The following ANXA13 variants were observed in gnomAD, a reference collection of about 807,000 sequenced individuals.
The protein encoded by ANXA13 is annexin A13.
Under a neutral mutation model 46.6 loss-of-function variants are expected in ANXA13, and 36 were observed. The ratio of observed to expected loss-of-function variants is 0.77; its 90% CI spans 0.59 to 1.02. The LOEUF (loss-of-function observed/expected upper bound fraction) is 1.02. Among genes scored for constraint, ANXA13 ranks in the 50% least tolerant of loss-of-function variants. ANXA13 has a pLI of 0.00. For missense variants in ANXA13, 417 were observed against 396.5 expected, an observed-to-expected ratio of 1.05 and a Z score of -0.44; for synonymous variants, 163 against 152.9, an observed-to-expected ratio of 1.07 and a Z score of -0.49.
At position 123,737,315 on chromosome 8, in the gene ANXA13, C is replaced by A; in HGVS notation, c.15+5G>T. ...AACCAATTCCCAAAGGCAATGAGTACTTACATGACGATTGCCCATTTTCCT... is the reference window on the plus strand; with the variant it reads ...AACCAATTCCCAAAGGCAATGAGTAATTACATGACGATTGCCCATTTTCCT... On this transcript the variant is annotated splice_donor_5th_base_variant and intron_variant, in intron 1 of 10. Transcript: ENST00000419625. 6.2e-7 allele frequency: 1 copy of A among 1,610,618 alleles called. No homozygotes were observed. The highest frequency in any genetic ancestry group is 2.2e-5 in the East Asian group (1 of 44,604).
chr8:123,725,161 T>G (rs774868411), intron 1 of ANXA13, among the ~76,000 whole-genome samples: 1 of 152,252 alleles, frequency 6.6e-6, no homozygotes, highest in Non-Finnish European at 1.5e-5. Flanking sequence ...TTTCCATTTA[T>G]GGTATCAGTA....
chr8:123,731,231 T>C (rs1814111519), intron 1 of ANXA13, among the ~76,000 whole-genome samples: 1 of 152,128 alleles, frequency 6.6e-6, no homozygotes, highest in Non-Finnish European at 1.5e-5. Flanking sequence ...GGAGACCTCA[T>C]TTGAAAACTA....
At chr8:123,684,121 T>TA (rs1269015567) in intron 10 of ANXA13, among the ~76,000 whole-genome samples, 1 of 152,340 alleles carries the variant, frequency 6.6e-6, no homozygotes, top group East Asian at 1.9e-4. Flanking sequence ...AACACGTGTC[T>TA]AAAAAGGTTC....
intron 1 of ANXA13, chr8:123,727,909 T>A (rs1411124806): frequency 1.3e-5 from 2 of 152,140 alleles, no homozygotes; most frequent in African/African-American, 4.8e-5. Context: ...ATTCTTTAAT[T>A]TTTTTGCAAA....
intron 1 of ANXA13, among the ~76,000 whole-genome samples, chr8:123,730,936 T>C (rs1200692783): frequency 1.3e-5 from 2 of 152,080 alleles, no homozygotes; most frequent in Admixed American, 1.3e-4. Context: ...GCAGGTGTGG[T>C]GCTAACCCGG....
chr8:123,702,804 A>C, intron 2 of ANXA13, 68 bp from the exon 3 acceptor site: 1 of 1,416,428 alleles, frequency 7.1e-7, no homozygotes, highest in African/African-American at 1.4e-5. Flanking sequence ...ATTTTAGTCC[A>C]GGGTGAGGAA....
intron 8 of ANXA13, 97 bp downstream of exon 8, chr8:123,693,100 G>A (rs1156720268): frequency 2.9e-6 from 3 of 1,037,170 alleles, no homozygotes; most frequent in East Asian, 2.4e-5. Context: ...CTGTTGTAAA[G>A]GATCCCCAAT....
intron 1 of ANXA13, among the ~76,000 whole-genome samples, chr8:123,726,337 G>T (rs1813992047): frequency 6.6e-6 from 1 of 152,218 alleles, no homozygotes; most frequent in Non-Finnish European, 1.5e-5. Context: ...TGCAGGGCTG[G>T]GTAGGAGTTA....
At chr8:123,703,152 A>G (rs1813476667) in intron 2 of ANXA13, among the ~76,000 whole-genome samples, 2 of 152,268 alleles carry the variant, frequency 1.3e-5, no homozygotes, top group African/African-American at 4.8e-5. Context: ...GGGTATCCAT[A>G]CAATGGAATG....
At chr8:123,684,983 G>C (rs1813114766) in intron 9 of ANXA13, among the ~76,000 whole-genome samples, 1 of 152,202 alleles carries the variant, frequency 6.6e-6, no homozygotes, top group Non-Finnish European at 1.5e-5. Context: ...GGCCCTCCCG[G>C]CCACGTCCAT....
chr8:123,719,836 C>T (rs904191976), intron 1 of ANXA13, among the ~76,000 whole-genome samples: 2 of 152,214 alleles, frequency 1.3e-5, no homozygotes, highest in Non-Finnish European at 2.9e-5. Flanking sequence ...CCACCTTGGG[C>T]AAGCTGATTC....
At chr8:123,697,526 G>A (rs557234038) in intron 4 of ANXA13, among the ~76,000 whole-genome samples, 1 of 152,350 alleles carries the variant, frequency 6.6e-6, no homozygotes, top group East Asian at 1.9e-4. Flanking sequence ...AAAAGAGGCT[G>A]AGCAGCGTGA....
chr8:123,693,362 G>A lies in ANXA13; in HGVS notation c.541-64C>T, dbSNP rs957222818. The A allele has an allele frequency of 2.8e-6, 4 of 1,415,978 alleles. No homozygotes were observed. The Admixed American group carries it at 7.1e-5, about 25-fold the overall frequency. 87.7% of individuals were successfully genotyped at this position (1,415,978 alleles called of 1,614,324 possible). Reference sequence around the variant, plus strand: ...GTGAAAAGACTGATTATGCAGTGCTGTGACTAGGCCTCACTGACAGGAAAT... The same window carrying A: ...GTGAAAAGACTGATTATGCAGTGCTATGACTAGGCCTCACTGACAGGAAAT... On this transcript the variant is annotated intron_variant, in intron 7 of 10. Transcript: ENST00000419625.
chr8:123,707,736 C>A (rs1813566080), intron 2 of ANXA13, among the ~76,000 whole-genome samples: 1 of 152,048 alleles, frequency 6.6e-6, no homozygotes, highest in South Asian at 2.1e-4. Context: ...AGGAGAAATA[C>A]CTAATGTAGA....
At chr8:123,725,629 G>A (rs1813968151) in intron 1 of ANXA13, among the ~76,000 whole-genome samples, 2 of 152,198 alleles carry the variant, frequency 1.3e-5, no homozygotes, top group South Asian at 4.1e-4. Flanking sequence ...TGGGTGATTA[G>A]TGACATATTG....
At chr8:123,698,360 G>A in intron 4 of ANXA13, 29 bp downstream of exon 4, 1 of 1,609,508 alleles carries the variant, frequency 6.2e-7, no homozygotes, top group African/African-American at 1.3e-5. Flanking sequence ...GGTGTGTGAT[G>A]CTCCCTTGCG....
intron 1 of ANXA13, among the ~76,000 whole-genome samples, chr8:123,715,510 C>A (rs957093478): frequency 6.6e-6 from 1 of 152,232 alleles, no homozygotes; most frequent in African/African-American, 2.4e-5. Context: ...CTCATCAGTG[C>A]AGAGAATTTT....
chr8:123,686,634 C>T (rs1032921956), intron 9 of ANXA13, among the ~76,000 whole-genome samples: 3 of 152,098 alleles, frequency 2.0e-5, no homozygotes, highest in African/African-American at 7.2e-5. Context: ...TGTGGCTTCC[C>T]AGGCTCCCTT....
At chr8:123,707,886 A>G (rs1057117001) in intron 2 of ANXA13, among the ~76,000 whole-genome samples, 4 of 152,172 alleles carry the variant, frequency 2.6e-5, no homozygotes, top group African/African-American at 7.2e-5. Flanking sequence ...GAAATTTTAA[A>G]GCTAAAAAAG....
Sources: allele counts gnomAD v4.1 joint callset (sites outside exome capture counted in the v4.1 genomes callset), GRCh38; gene constraint gnomAD v4.1.1; transcripts MANE v1.5; gene names NCBI Gene and HGNC (gene_info 2026-07-23, HGNC 2026-07-21).